Variants in RSF1 observed in about 807,000 individuals in gnomAD.
RSF1 encodes the protein remodeling and spacing factor 1.
In RSF1, 13 loss-of-function variants were observed where a neutral mutation model predicts 145.2. The observed-to-expected ratio is 0.09, with a 90% confidence interval of 0.06 to 0.14. The LOEUF (loss-of-function observed/expected upper bound fraction) is 0.14, where lower values mean the gene tolerates loss of function less well. Among genes scored for constraint, RSF1 ranks in the 10% least tolerant of loss-of-function variants. The pLI is 1.00. For synonymous variants in RSF1, 577 were observed against 592.6 expected (o/e 0.97, Z 0.38); for missense variants, 1,517 against 1,718.2 (o/e 0.88, Z 2.07).
At chr11:77,762,593 G>C (rs891120344) in intron 2 of RSF1, 3 of 152,114 alleles carry the variant, frequency 2.0e-5, no homozygotes, top group Admixed American at 6.5e-5. Flanking sequence ...TCATTCTATA[G>C]GTCTTAGTTC....
intron 4 of RSF1, among the ~76,000 whole-genome samples, chr11:77,730,387 G>A (rs1961176111): frequency 1.3e-5 from 2 of 152,156 alleles, no homozygotes; most frequent in Admixed American, 1.3e-4. Context: ...TTTTAACGAG[G>A]TATAATTCAC....
At chr11:77,819,173 C>G (rs1332446260) in intron 1 of RSF1, among the ~76,000 whole-genome samples, 1 of 152,224 alleles carries the variant, frequency 6.6e-6, no homozygotes, top group Non-Finnish European at 1.5e-5. Flanking sequence ...ACCCTGCTTT[C>G]TTGGAAAGGA....
In RSF1 at chr11:77,764,697, GA is replaced by G. The variant is rs781225765; in HGVS notation, c.188-9del. 5 of 1,524,964 alleles carry G rather than the reference GA, an allele frequency of 3.3e-6. No individual in the cohort carries two copies. The highest frequency in any genetic ancestry group is 1.2e-5 in the South Asian group (1 of 83,408). The allele number at this position is 1,524,964 out of a possible 1,614,324, so 94.5% of individuals were successfully genotyped here. On this transcript the variant is annotated splice_polypyrimidine_tract_variant and intron_variant, in intron 1 of 15. Transcript: ENST00000308488. ...CCACCAATTCTTTTGGTACTTAAAA[GA>G]AAGAAAAAAAATATCATTAGCCAAC...
At chr11:77,714,570 C>A (rs756590808) in intron 5 of RSF1, among the ~76,000 whole-genome samples, 2 of 152,132 alleles carry the variant, frequency 1.3e-5, no homozygotes, top group Non-Finnish European at 2.9e-5. Context: ...AGAGGCCAGG[C>A]GTGGTGACTC....
Position 77,712,516 on chromosome 11 carries a change from C to T in RSF1, c.734-10021G>A, listed in dbSNP as rs540146929. Reference sequence around the variant, plus strand: ...AGGTGATGTCAACTGGTTATTTCACCGTAAAATTACCATTTTCACCTTTGT... The same window carrying T: ...AGGTGATGTCAACTGGTTATTTCACTGTAAAATTACCATTTTCACCTTTGT... On this transcript the variant is annotated intron_variant, in intron 5 of 15. Transcript: ENST00000308488. Among the ~76,000 whole-genome samples, 16 of 152,240 alleles carry T rather than the reference C, an allele frequency of 1.1e-4. No individual in the cohort carries two copies. The East Asian group carries it at 1.2e-3, about 11-fold the overall frequency.
At chr11:77,795,633 A>G (rs1948564656) in intron 1 of RSF1, among the ~76,000 whole-genome samples, 1 of 152,250 alleles carries the variant, frequency 6.6e-6, no homozygotes, top group Non-Finnish European at 1.5e-5. Context: ...ACCCTCTCAA[A>G]TAAGTGGTGC....
At chr11:77,806,888 GA>G (rs1948683165) in intron 1 of RSF1, among the ~76,000 whole-genome samples, 1 of 152,200 alleles carries the variant, frequency 6.6e-6, no homozygotes, top group Admixed American at 6.5e-5. Flanking sequence ...AACAAGGGAT[GA>G]AGAGAAAATC....
chr11:77,722,833 T>C (rs180843533), intron 5 of RSF1, among the ~76,000 whole-genome samples: 1 of 152,226 alleles, frequency 6.6e-6, no homozygotes, highest in Non-Finnish European at 1.5e-5. Flanking sequence ...CAAAGAAATT[T>C]CAGCATTAAC....
chr11:77,812,476 G>A (rs1250235938), intron 1 of RSF1, among the ~76,000 whole-genome samples: 2 of 152,154 alleles, frequency 1.3e-5, no homozygotes, highest in Admixed American at 1.3e-4. Flanking sequence ...TTGCTTACAT[G>A]AGCCATATAT....
At chr11:77,797,665 ATCTAATTAAACTAAAGAGCTTCT>A (rs2135973451) in intron 1 of RSF1, among the ~76,000 whole-genome samples, 1 of 152,368 alleles carries the variant, frequency 6.6e-6, no homozygotes, top group Admixed American at 6.5e-5. Context: ...GACAAACGGA[ATCTAATTAAACTAAAGAGCTTCT>A]TCACAGCAAA....
At chr11:77,675,498 TCCC>T (rs1186357237) in intron 13 of RSF1, among the ~76,000 whole-genome samples, 2 of 152,188 alleles carry the variant, frequency 1.3e-5, no homozygotes, top group Non-Finnish European at 2.9e-5. Flanking sequence ...TCTTGGGATG[TCCC>T]CCATGTTAAA....
intron 1 of RSF1, among the ~76,000 whole-genome samples, chr11:77,800,816 T>C (rs1948618347): frequency 6.6e-6 from 1 of 152,110 alleles, no homozygotes; most frequent in Non-Finnish European, 1.5e-5. Context: ...GAGGTATGAT[T>C]GCACCACTGC....
At chr11:77,752,326 G>C (rs1276755003) in intron 2 of RSF1, among the ~76,000 whole-genome samples, 2 of 152,120 alleles carry the variant, frequency 1.3e-5, no homozygotes, top group Non-Finnish European at 2.9e-5. Flanking sequence ...TTGTTAGCAC[G>C]TATACGGTAA....
rs537535339 is a variant in RSF1 at position 77,661,491 on chromosome 11, T to C, written c.*5426A>G. The C allele has an allele frequency of 6.6e-6, 1 of 151,970 alleles. No individual in the cohort carries two copies. The highest frequency in any genetic ancestry group is 2.4e-5 in the African/African-American group (1 of 41,440). 9.4% of individuals were successfully genotyped at this position (151,970 alleles called of 1,614,324 possible). On this transcript the variant is annotated 3_prime_UTR_variant, in exon 16 of 16. Coordinates refer to ENST00000308488, the MANE Select transcript of RSF1 (RefSeq NM_016578.4). ...ATTTTCATGCAGTGACCTTAAAGCTTTGGAGACAGGGCTTGTTACTCTAAT... is the reference window on the plus strand; with the variant it reads ...ATTTTCATGCAGTGACCTTAAAGCTCTGGAGACAGGGCTTGTTACTCTAAT...
the RSF1 span, among the ~76,000 whole-genome samples, chr11:77,829,372 T>C: frequency 6.6e-6 from 1 of 152,254 alleles, no homozygotes; most frequent in South Asian, 2.1e-4. Context: ...TACCAATTTA[T>C]GGTATTTTTT....
chr11:77,809,764 A>T (rs1405760844), intron 1 of RSF1, among the ~76,000 whole-genome samples: 1 of 152,230 alleles, frequency 6.6e-6, no homozygotes, highest in Non-Finnish European at 1.5e-5. Context: ...AAAGTTTTCC[A>T]ATATTACCAT....
At chr11:77,677,969 T>G (rs1959753878) in intron 12 of RSF1, 117 bp downstream of exon 12, 1 of 716,876 alleles carries the variant, frequency 1.4e-6, no homozygotes, top group Non-Finnish European at 2.5e-6. Context: ...ACATCAGTAC[T>G]AATCATGATA....
At chr11:77,835,914 G>GA in the RSF1 span, among the ~76,000 whole-genome samples, 79 of 147,074 alleles carry the variant, frequency 5.4e-4, no homozygotes, top group African/African-American at 1.7e-3. Context: ...TGTCAAAAAA[G>GA]AAAAAAAAAA....
At chr11:77,682,771 C>G (rs1342209646) in intron 11 of RSF1, among the ~76,000 whole-genome samples, 1 of 152,168 alleles carries the variant, frequency 6.6e-6, no homozygotes, top group African/African-American at 2.4e-5. Flanking sequence ...ATTGTAAGTG[C>G]TTTCAGGGAA....
Sources: gnomAD v4.1 joint callset for allele counts (sites outside exome capture counted in the v4.1 genomes callset) on GRCh38, gnomAD v4.1.1 for gene constraint, MANE v1.5 for transcripts, NCBI Gene and HGNC (gene_info 2026-07-23, HGNC 2026-07-21) for gene names.